RAD51B: variants seen among roughly 807,000 people sequenced by gnomAD.
The protein encoded by RAD51B is DNA repair protein RAD51 homolog 2.
Under a neutral mutation model 42.2 loss-of-function variants are expected in RAD51B, and 38 were observed. The observed-to-expected ratio is 0.90, with a 90% CI of 0.70 to 1.18. The LOEUF (loss-of-function observed/expected upper bound fraction) is 1.18, where lower values mean the gene tolerates loss of function less well. RAD51B is among the 50% of genes most tolerant of loss of function. The pLI, the probability that RAD51B is intolerant of heterozygous loss-of-function variation, is 0.00. For missense variants in RAD51B, 373 were observed against 400.7 expected (o/e 0.93, Z 0.59); for synonymous variants, 154 against 145.2 (o/e 1.06, Z -0.43).
rs1313967540 is a variant in RAD51B, at chr14:68,177,009, GCATGT to G, written c.757-114872_757-114868del. 2.0e-5 allele frequency among the ~76,000 whole-genome samples: 3 copies of G among 152,254 alleles called. 1 individual carries two copies. Among genetic ancestry groups the G allele is most frequent in the African/African-American group, 7.2e-5 (3 of 41,544 alleles). On this transcript the variant is annotated intron_variant, in intron 7 of 10. Transcript: ENST00000471583. ...ATCAAATTTGCCATCCACAATTGAG[GCATGT>G]CACAAAATGAGCAAAGGAGTCCTTT...
intron 10 of RAD51B, among the ~76,000 whole-genome samples, chr14:68,620,720 A>G (rs1298010224): frequency 6.6e-6 from 1 of 152,236 alleles, no homozygotes; most frequent in Non-Finnish European, 1.5e-5. Context: ...AAGTGAATCT[A>G]AAGTTTATTT....
At chr14:68,615,015 GCTGCATGCCACCAGGC>G (rs966064357), downstream of RAD51B, among the ~76,000 whole-genome samples, 3 of 152,184 alleles carry the variant, frequency 2.0e-5, no homozygotes, top group Non-Finnish European at 4.4e-5. Flanking sequence ...TGGGACTACA[GCTGCATGCCACCAGGC>G]CCAGCTAATT....
chr14:68,556,513 C>T (rs552792162), intron 10 of RAD51B, among the ~76,000 whole-genome samples: 70 of 152,176 alleles, frequency 4.6e-4, no homozygotes, highest in South Asian at 1.7e-3. Context: ...GGGGAGAGAG[C>T]GGCCTGAGAA....
chr14:68,252,985 A>C (rs2080670299), intron 7 of RAD51B, among the ~76,000 whole-genome samples: 1 of 152,090 alleles, frequency 6.6e-6, no homozygotes, highest in South Asian at 2.1e-4. Context: ...CAGGAGGCTA[A>C]GGCAGGAGAA....
In RAD51B at chr14:67,829,595, C is replaced by T. The variant is rs911102245; in HGVS notation, c.198+4018C>T. Among the ~76,000 whole-genome samples the T allele has an allele frequency of 4.6e-5, 7 of 152,122 alleles. No individual in the cohort carries two copies. The South Asian group carries it at 6.2e-4, about 14-fold the overall frequency. On this transcript the variant is annotated intron_variant, in intron 3 of 10. Transcript: ENST00000471583. ...TGAATGGAGTTCATTCATAATTTGG[C>T]TCTCTGCTTGCCTGTTGTTGGTGCA... is the stretch of plus-strand genomic sequence containing the variant.
At chr14:68,144,468 A>C (rs1327786100) in intron 7 of RAD51B, among the ~76,000 whole-genome samples, 1 of 152,238 alleles carries the variant, frequency 6.6e-6, no homozygotes, top group Non-Finnish European at 1.5e-5. Context: ...GCACAGACTG[A>C]CTTTGTGGCC....
At chr14:67,974,644 T>C (rs547669745) in intron 7 of RAD51B, among the ~76,000 whole-genome samples, 1 of 152,160 alleles carries the variant, frequency 6.6e-6, no homozygotes, top group Non-Finnish European at 1.5e-5. Flanking sequence ...CTTACTACAG[T>C]ACATGAGACT....
At chr14:68,448,389 G>A (rs771791855) in intron 9 of RAD51B, among the ~76,000 whole-genome samples, 16 of 152,154 alleles carry the variant, frequency 1.1e-4, no homozygotes, top group Admixed American at 1.0e-3. Flanking sequence ...GCAAGGAAGC[G>A]AGTGTTTTTT....
intron 11 of RAD51B, among the ~76,000 whole-genome samples, chr14:68,660,256 A>G (rs1892905057): frequency 6.6e-6 from 1 of 152,240 alleles, no homozygotes; most frequent in Non-Finnish European, 1.5e-5. Context: ...TAAAAACAAA[A>G]AGCAGAAAAA....
intron 7 of RAD51B, among the ~76,000 whole-genome samples, chr14:68,016,203 G>T (rs1243864771): frequency 6.6e-6 from 1 of 152,036 alleles, no homozygotes; most frequent in East Asian, 1.9e-4. Flanking sequence ...AAGCAAATAC[G>T]GGTAGAAAAA....
At chr14:68,163,193 A>G (rs1427606441) in intron 7 of RAD51B, among the ~76,000 whole-genome samples, 2 of 152,238 alleles carry the variant, frequency 1.3e-5, no homozygotes, top group Non-Finnish European at 2.9e-5. Context: ...GAAATCTTTT[A>G]CAATCCAGCA....
intron 10 of RAD51B, among the ~76,000 whole-genome samples, chr14:68,558,391 CG>C (rs1156560528): frequency 2.0e-5 from 3 of 152,232 alleles, no homozygotes; most frequent in Non-Finnish European, 4.4e-5. Flanking sequence ...CCTAGCCACG[CG>C]GGTACTTTAC....
At chr14:68,347,011 A>C (rs909017642) in intron 8 of RAD51B, among the ~76,000 whole-genome samples, 5 of 152,236 alleles carry the variant, frequency 3.3e-5, no homozygotes, top group Admixed American at 2.6e-4. Flanking sequence ...CACCTCTCTG[A>C]AGCCTTTTTC....
chr14:67,975,369 T>C (rs1343706382), intron 7 of RAD51B, among the ~76,000 whole-genome samples: 1 of 152,232 alleles, frequency 6.6e-6, no homozygotes, highest in Non-Finnish European at 1.5e-5. Flanking sequence ...GTGACTCTCA[T>C]TGGCCTAATC....
At chr14:68,582,945 T>G (rs540729557) in intron 10 of RAD51B, among the ~76,000 whole-genome samples, 1 of 151,088 alleles carries the variant, frequency 6.6e-6, no homozygotes, top group East Asian at 1.9e-4. Context: ...TAAGCGGGAG[T>G]TGAACAATAA....
downstream of RAD51B, among the ~76,000 whole-genome samples, chr14:68,597,452 C>CAGCCATAAAAAGCTTTTTGCTTTT (rs1891047762): frequency 6.6e-6 from 1 of 152,200 alleles, no homozygotes; most frequent in Non-Finnish European, 1.5e-5. Flanking sequence ...CTATGGAATA[C>CAGCCATAAAAAGCTTTTTGCTTTT]TATGCAGCCA....
chr14:67,820,226 G>C (rs1405082060), intron 1 of RAD51B, among the ~76,000 whole-genome samples: 3 of 152,150 alleles, frequency 2.0e-5, no homozygotes, highest in African/African-American at 7.2e-5. Flanking sequence ...GGAGAGCGTG[G>C]AATCTGGAGT....
intron 7 of RAD51B, among the ~76,000 whole-genome samples, chr14:68,206,011 C>G (rs1210045614): frequency 6.6e-6 from 1 of 152,194 alleles, no homozygotes; most frequent in Non-Finnish European, 1.5e-5. Context: ...AGCATAGGAT[C>G]CAGCATAGGA....
intron 10 of RAD51B, among the ~76,000 whole-genome samples, chr14:68,531,124 G>GA: frequency 7.1e-6 from 1 of 140,704 alleles, no homozygotes; most frequent in Non-Finnish European, 1.6e-5. Flanking sequence ...GCAGAATATA[G>GA]AAAATCTCAC....
Sources: gnomAD v4.1 joint callset for allele counts (sites outside exome capture counted in the v4.1 genomes callset) on GRCh38, gnomAD v4.1.1 for gene constraint, MANE v1.5 for transcripts, NCBI Gene and HGNC (gene_info 2026-07-23, HGNC 2026-07-21) for gene names.